The following MCC variants were observed in gnomAD, a reference collection of about 807,000 sequenced individuals.
The protein encoded by MCC is MCC regulator of Wnt signaling pathway.
In MCC, 90 loss-of-function variants were observed where a neutral mutation model predicts 116.2. That is an observed-to-expected ratio of 0.77 (90% CI 0.65 to 0.92). The LOEUF is 0.92. Among genes scored for constraint, MCC ranks in the 40% least tolerant of loss-of-function variants. MCC has a pLI of 0.00. For synonymous variants in MCC, 578 were observed against 510.5 expected (o/e 1.13, Z -1.78); for missense variants, 1,516 against 1,312.2 (o/e 1.16, Z -2.40).
In MCC at chr5:113,025,663, A is replaced by C. The variant is rs1239460265; in HGVS notation, c.*1639T>G. ...TTGACAGAAACCAGTGAACATTTTC[A>C]TAGTGATCAAAGCACCCCAAAGCTG... is the stretch of plus-strand genomic sequence containing the variant. On this transcript the variant is annotated 3_prime_UTR_variant, in exon 19 of 19. Coordinates refer to ENST00000408903, the MANE Select transcript of MCC (RefSeq NM_001085377.2). The C allele has an allele frequency of 4.0e-5, 6 of 151,506 alleles. No individual in the cohort carries two copies. The highest frequency in any genetic ancestry group is 7.4e-5 in the Non-Finnish European group (5 of 67,956). 9.4% of individuals were successfully genotyped at this position (151,506 alleles called of 1,614,324 possible).
Position 113,235,233 on chromosome 5 carries a change from T to G in MCC, c.628-83811A>C, listed in dbSNP as rs552276073. ...TCTCCTCATCCTTTTTCACTTCATA[T>G]TCTGGGTTCTTCAAAAGTCTGACTT... On this transcript the variant is annotated intron_variant, in intron 3 of 18. Coordinates refer to ENST00000408903, the MANE Select transcript of MCC (RefSeq NM_001085377.2). Among the ~76,000 whole-genome samples, 3 of 152,338 alleles carry G rather than the reference T, an allele frequency of 2.0e-5. 1 individual carries two copies. The highest frequency in any genetic ancestry group is 7.2e-5 in the African/African-American group (3 of 41,586).
At chr5:113,146,003 A>G (rs1376126672) in intron 4 of MCC, among the ~76,000 whole-genome samples, 1 of 152,256 alleles carries the variant, frequency 6.6e-6, no homozygotes, top group East Asian at 1.9e-4. Context: ...CTCAATGTAT[A>G]TTTGAAGCTC....
At chr5:113,212,930 T>C (rs1287009708) in intron 3 of MCC, among the ~76,000 whole-genome samples, 3 of 152,260 alleles carry the variant, frequency 2.0e-5, no homozygotes. Flanking sequence ...CATCCAGTTC[T>C]GATGTTTCTT....
chr5:113,291,640 G>C (rs1417253360), intron 3 of MCC, among the ~76,000 whole-genome samples: 1 of 152,202 alleles, frequency 6.6e-6, no homozygotes, highest in African/African-American at 2.4e-5. Flanking sequence ...GGCAATCAGA[G>C]AGATGGCACT....
At chr5:113,436,039 C>T (rs1306265788) in intron 1 of MCC, 1 of 152,510 alleles carries the variant, frequency 6.6e-6, no homozygotes, top group African/African-American at 2.4e-5. Flanking sequence ...TTGGATTTGA[C>T]TTTGGCCTCA....
intron 1 of MCC, among the ~76,000 whole-genome samples, chr5:113,448,490 G>A (rs560818610): frequency 1.3e-5 from 2 of 152,206 alleles, no homozygotes; most frequent in African/African-American, 4.8e-5. Flanking sequence ...ATGACCTTAA[G>A]TGGAAAAGAA....
At chr5:113,186,937 C>G (rs1761923120) in intron 3 of MCC, among the ~76,000 whole-genome samples, 1 of 152,130 alleles carries the variant, frequency 6.6e-6, no homozygotes, top group African/African-American at 2.4e-5. Context: ...AGGGATACTG[C>G]TAAACATCCT....
chr5:113,164,006 AT>A (rs983752948), intron 3 of MCC, among the ~76,000 whole-genome samples: 4 of 152,166 alleles, frequency 2.6e-5, no homozygotes, highest in African/African-American at 9.7e-5. Context: ...GTATTATACA[AT>A]TTTTAAGTGT....
chr5:113,242,986 G>A (rs1764435485), intron 3 of MCC, among the ~76,000 whole-genome samples: 1 of 152,178 alleles, frequency 6.6e-6, no homozygotes, highest in African/African-American at 2.4e-5. Context: ...GAGATATCAT[G>A]GAGGGAAAGT....
In MCC at chr5:113,252,263, C is replaced by T. The variant is rs116563795; in HGVS notation, c.627+88256G>A. 5.9e-3 allele frequency among the ~76,000 whole-genome samples: 900 copies of T among 152,266 alleles called. 3 individuals carry two copies. Among genetic ancestry groups the T allele is most frequent in the South Asian group, 0.026 (123 of 4,818 alleles). On this transcript the variant is annotated intron_variant, in intron 3 of 18. Transcript: ENST00000408903. ...AGCCCCCGGGCCCACAGATCTGGTA[C>T]GAGGCCGCAAAGCAGGAGGTGAGTG...
intron 2 of MCC, among the ~76,000 whole-genome samples, chr5:113,362,324 GCTGT>G (rs1339154447): frequency 3.2e-4 from 48 of 152,284 alleles, no homozygotes; most frequent in Non-Finnish European, 7.4e-5. Context: ...ACTGCACCTG[GCTGT>G]CTGTGTTACT....
chr5:113,116,362 C>G (rs112630394), intron 6 of MCC, among the ~76,000 whole-genome samples: 3,592 of 152,292 alleles, frequency 0.024, 172 homozygotes, highest in African/African-American at 0.083. Context: ...ATTTCCATGA[C>G]AGATTACACA....
chr5:113,140,817 G>A (rs1297477610), intron 5 of MCC, among the ~76,000 whole-genome samples: 1 of 152,162 alleles, frequency 6.6e-6, no homozygotes, highest in African/African-American at 2.4e-5. Flanking sequence ...TAGACCGTGG[G>A]TATGCTAGGG....
At chr5:113,485,194 C>A (rs888218250) in intron 1 of MCC, among the ~76,000 whole-genome samples, 11 of 152,166 alleles carry the variant, frequency 7.2e-5, no homozygotes, top group African/African-American at 2.7e-4. Context: ...CATTTCCCCT[C>A]ACGGCCCAGT....
At chr5:113,334,242 C>A (rs917372835) in intron 3 of MCC, among the ~76,000 whole-genome samples, 3 of 150,174 alleles carry the variant, frequency 2.0e-5, no homozygotes, top group Admixed American at 6.6e-5. Context: ...GGGTCTAGTT[C>A]TGTTGCCCAG....
rs552209070 is a variant in MCC, at chr5:113,173,919, T to C, written c.628-22497A>G. Reference sequence around the variant, plus strand: ...GGATTTACAGCCCACCACACCACTCTAACAGCATAACCAATTCCAAAGACA... The same window carrying C: ...GGATTTACAGCCCACCACACCACTCCAACAGCATAACCAATTCCAAAGACA... On this transcript the variant is annotated intron_variant, in intron 3 of 18. Coordinates refer to ENST00000408903, the MANE Select transcript of MCC (RefSeq NM_001085377.2). Among the ~76,000 whole-genome samples the C allele has an allele frequency of 8.5e-5, 13 of 152,286 alleles. No homozygotes were observed. The South Asian group carries it at 2.7e-3, about 32-fold the overall frequency.
At position 113,488,288 on chromosome 5, in the gene MCC, G is replaced by C; in HGVS notation, c.127C>G (p.Leu43Val). ...CCGTCGCCGTCGCACGTCTGGAAGA[G>C]GCGCCGCATCCTCTCCTCCTCGCCG... ...STGEEERMRR[L>V]FQTCDGDGDG... The change falls in exon 1 of 19, where the codon CTC becomes GTC. Residue 43 changes from leucine (L) to valine (V), a missense_variant. Transcript: ENST00000408903. 6.3e-7 allele frequency: 1 copy of C among 1,595,158 alleles called. No homozygotes were observed. The highest frequency in any genetic ancestry group is 8.5e-7 in the Non-Finnish European group (1 of 1,171,902).
At chr5:113,090,636 C>G (rs1023833183) in intron 8 of MCC, among the ~76,000 whole-genome samples, 18 of 152,190 alleles carry the variant, frequency 1.2e-4, no homozygotes, top group African/African-American at 3.6e-4. Flanking sequence ...CAAAGAGAGG[C>G]AGCCAGTCTA....
intron 2 of MCC, among the ~76,000 whole-genome samples, chr5:113,365,331 T>C (rs1768659524): frequency 6.6e-6 from 1 of 152,182 alleles, no homozygotes; most frequent in Non-Finnish European, 1.5e-5. Context: ...AGAAGCACAA[T>C]GCAGCCAGGG....
Sources: gnomAD v4.1 joint callset for allele counts (sites outside exome capture counted in the v4.1 genomes callset) on GRCh38, gnomAD v4.1.1 for gene constraint, MANE v1.5 for transcripts, NCBI Gene and HGNC (gene_info 2026-07-23, HGNC 2026-07-21) for gene names.